ENTREP2: variants seen among roughly 807,000 people sequenced by gnomAD.
ENTREP2 encodes endosomal transmembrane epsin interactor 2.
the ENTREP2 span, among the ~76,000 whole-genome samples, chr15:29,518,547 A>T: frequency 6.6e-6 from 1 of 152,170 alleles, no homozygotes; most frequent in African/African-American, 2.4e-5. Flanking sequence ...CATCTGTAGG[A>T]CCCAGGACAG....
chr15:29,318,217 G>A, the ENTREP2 span, among the ~76,000 whole-genome samples: 1 of 152,208 alleles, frequency 6.6e-6, no homozygotes, highest in Non-Finnish European at 1.5e-5. Context: ...CAAGGTGCAA[G>A]TCTATCAGCA....
chr15:29,223,721 AG>A, the ENTREP2 span, among the ~76,000 whole-genome samples: 2 of 152,024 alleles, frequency 1.3e-5, no homozygotes, highest in Admixed American at 6.5e-5. Context: ...GTGGGGGTGG[AG>A]GGAATGGAAA....
At chr15:29,273,956 A>G in the ENTREP2 span, among the ~76,000 whole-genome samples, 812 of 152,272 alleles carry the variant, frequency 5.3e-3, 4 homozygotes, top group Non-Finnish European at 7.0e-3. Context: ...CAGATGGCCT[A>G]TTGTGGGGCT....
chr15:29,509,607 A>C, the ENTREP2 span, among the ~76,000 whole-genome samples: 1 of 152,290 alleles, frequency 6.6e-6, no homozygotes, highest in Non-Finnish European at 1.5e-5. Context: ...CCACACAACT[A>C]CAACCAAATG....
At chr15:29,574,926 G>A in the ENTREP2 span, among the ~76,000 whole-genome samples, 17 of 152,110 alleles carry the variant, frequency 1.1e-4, no homozygotes, top group Admixed American at 1.0e-3. Context: ...TAGAAACCAG[G>A]GGGACTTTTT....
the ENTREP2 span, among the ~76,000 whole-genome samples, chr15:29,657,431 T>C: frequency 8.0e-6 from 1 of 125,670 alleles, no homozygotes; most frequent in South Asian, 2.8e-4. Flanking sequence ...AGGACAAAGC[T>C]TCCACCACAC....
the ENTREP2 span, among the ~76,000 whole-genome samples, chr15:29,256,606 G>A: frequency 6.6e-6 from 1 of 152,030 alleles, no homozygotes; most frequent in South Asian, 2.1e-4. Context: ...GTCAAATTAT[G>A]GTGTTTTAAA....
chr15:29,183,464 C>T, the ENTREP2 span, among the ~76,000 whole-genome samples: 13 of 152,178 alleles, frequency 8.5e-5, no homozygotes, highest in South Asian at 2.1e-4. Flanking sequence ...GGTGCACACA[C>T]GCTGCCGAGT....
the ENTREP2 span, among the ~76,000 whole-genome samples, chr15:29,556,762 G>GCC: frequency 7.1e-3 from 277 of 38,886 alleles, 3 homozygotes; most frequent in African/African-American, 0.022. Flanking sequence ...CCATGCAGGT[G>GCC]CCCCCCCCCC....
the ENTREP2 span, among the ~76,000 whole-genome samples, chr15:29,208,082 G>T: frequency 6.6e-6 from 1 of 152,184 alleles, no homozygotes; most frequent in East Asian, 1.9e-4. Flanking sequence ...ACTGCCTTTT[G>T]TGTCCCCTAC....
chr15:29,524,361 C>A, the ENTREP2 span, among the ~76,000 whole-genome samples: 1 of 152,110 alleles, frequency 6.6e-6, no homozygotes, highest in Non-Finnish European at 1.5e-5. Context: ...ATAAAAAAAA[C>A]TAGAAAATAC....
At chr15:29,200,186 T>A in the ENTREP2 span, among the ~76,000 whole-genome samples, 1 of 151,286 alleles carries the variant, frequency 6.6e-6, no homozygotes, top group African/African-American at 2.4e-5. Context: ...CCATATACAT[T>A]TTTTTTTTGA....
chr15:29,153,270 T>C, the ENTREP2 span, among the ~76,000 whole-genome samples: 2 of 152,276 alleles, frequency 1.3e-5, no homozygotes, highest in South Asian at 2.1e-4. Context: ...ATGTTTCACA[T>C]AGAGTCTTAG....
chr15:29,303,763 G>C, the ENTREP2 span, among the ~76,000 whole-genome samples: 4 of 151,156 alleles, frequency 2.6e-5, no homozygotes, highest in African/African-American at 7.3e-5. Context: ...TTCTGTTCTT[G>C]CATTAATTTG....
chr15:29,638,561 G>T, the ENTREP2 span, among the ~76,000 whole-genome samples: 2 of 152,174 alleles, frequency 1.3e-5, no homozygotes, highest in Non-Finnish European at 2.9e-5. Flanking sequence ...AGTGAGAATA[G>T]AAAGGATTTC....
the ENTREP2 span, among the ~76,000 whole-genome samples, chr15:29,257,467 C>T: frequency 0.012 from 1,766 of 152,240 alleles, 35 homozygotes; most frequent in African/African-American, 0.041. Flanking sequence ...CAACGAACTG[C>T]CTTGTTCATA....
chr15:29,391,826 GT>G, the ENTREP2 span, among the ~76,000 whole-genome samples: 1 of 152,016 alleles, frequency 6.6e-6, no homozygotes, highest in Non-Finnish European at 1.5e-5. Context: ...TTTGTTTTTT[GT>G]TGCTGTTGTT....
the ENTREP2 span, among the ~76,000 whole-genome samples, chr15:29,463,174 C>T: frequency 6.6e-6 from 1 of 152,110 alleles, no homozygotes; most frequent in Admixed American, 6.6e-5. Context: ...GGGTTGGAGC[C>T]ACTGGGGCCC....
At chr15:29,395,462 C>T in the ENTREP2 span, among the ~76,000 whole-genome samples, 455 of 151,994 alleles carry the variant, frequency 3.0e-3, no homozygotes, top group Non-Finnish European at 5.3e-3. Flanking sequence ...TACCATATGG[C>T]TATTATTTTT....
Sources: gnomAD v4.1 joint callset for allele counts (sites outside exome capture counted in the v4.1 genomes callset) on GRCh38, gnomAD v4.1.1 for gene constraint, MANE v1.5 for transcripts, NCBI Gene and HGNC (gene_info 2026-07-23, HGNC 2026-07-21) for gene names.